Variants in CDK13 observed in about 807,000 individuals in gnomAD.
The protein encoded by CDK13 is cyclin dependent kinase 13, also known as cyclin-dependent kinase 13.
Under a neutral mutation model 137.6 loss-of-function variants are expected in CDK13, and 40 were observed. The ratio of observed to expected loss-of-function variants is 0.29; its 90% CI spans 0.23 to 0.38. The LOEUF (loss-of-function observed/expected upper bound fraction) is 0.38, where lower values mean the gene tolerates loss of function less well. CDK13 is among the 10% of genes least tolerant of loss of function. The pLI is 1.00. For missense variants in CDK13, 1,704 were observed against 1,951.8 expected (o/e 0.87, Z 2.39); for synonymous variants, 869 against 760.1 (o/e 1.14, Z -2.36).
intron 5 of CDK13, among the ~76,000 whole-genome samples, chr7:40,019,240 A>G (rs893614262): frequency 3.3e-5 from 5 of 152,324 alleles, no homozygotes; most frequent in Admixed American, 2.0e-4. Context: ...TGTGAAAACT[A>G]TTTAAGTCAT....
chr7:40,062,773 C>A, intron 7 of CDK13, 53 bp from the exon 8 acceptor site: 2 of 1,222,892 alleles, frequency 1.6e-6, no homozygotes, highest in Non-Finnish European at 2.4e-6. Context: ...CTCAGAGAAT[C>A]TGTCTTACTC....
At position 39,950,306 on chromosome 7, in the gene CDK13, C is replaced by G. The variant is rs1026401517; in HGVS notation, c.-336C>G. The stretch of plus-strand genomic sequence containing the variant: ...GAGAGCGCGGCCAAGGCCGCTCCCC[C>G]ACCCCCGGGGGCACTTGGAGGACTC... On this transcript the variant is annotated 5_prime_UTR_variant, in exon 1 of 14. Transcript: ENST00000181839. 3.2e-5 allele frequency: 35 copies of G among 1,104,382 alleles called. No homozygotes were observed. Among genetic ancestry groups the G allele is most frequent in the South Asian group, 1.8e-4 (4 of 22,640 alleles). The allele number at this position is 1,104,382 out of a possible 1,614,324, so 68.4% of individuals were successfully genotyped here. A position where few individuals can be genotyped will look rare whatever the true frequency, so the allele number is the denominator to read the frequency against.
At chr7:40,010,710 C>A (rs945105445) in intron 5 of CDK13, among the ~76,000 whole-genome samples, 1 of 152,096 alleles carries the variant, frequency 6.6e-6, no homozygotes, top group Admixed American at 6.6e-5. Context: ...GTTGGAACTT[C>A]GCTCACCTGC....
intron 11 of CDK13, among the ~76,000 whole-genome samples, chr7:40,087,544 GT>G: frequency 8.1e-6 from 1 of 123,090 alleles, no homozygotes. Flanking sequence ...AGCAATAGTG[GT>G]GTTTTTTTTT....
At chr7:40,030,229 ATATATGTGTGTGTGTGTG>A (rs1378253563) in intron 5 of CDK13, among the ~76,000 whole-genome samples, 2 of 40,188 alleles carry the variant, frequency 5.0e-5, no homozygotes, top group Non-Finnish European at 8.4e-5. Flanking sequence ...TTATATATAT[ATATATGTGTGTGTGTGTG>A]TATATGTGTG....
chr7:39,986,260 A>C (rs1784336141), intron 1 of CDK13: 1 of 152,212 alleles, frequency 6.6e-6, no homozygotes, highest in South Asian at 2.1e-4. Context: ...TTGTCTTGTG[A>C]GTATATTTTA....
At chr7:40,030,261 GTATATA>G (rs1247848274) in intron 5 of CDK13, among the ~76,000 whole-genome samples, 1 of 143,402 alleles carries the variant, frequency 7.0e-6, no homozygotes, top group Non-Finnish European at 1.5e-5. Flanking sequence ...ATGTGTGTGT[GTATATA>G]TATATATAGA....
intron 1 of CDK13, among the ~76,000 whole-genome samples, chr7:39,969,729 CATT>C (rs1306726018): frequency 6.6e-6 from 1 of 151,724 alleles, no homozygotes; most frequent in African/African-American, 2.4e-5. Context: ...ATTGGTATCT[CATT>C]GTGGTTTTAT....
intron 5 of CDK13, among the ~76,000 whole-genome samples, chr7:40,025,830 G>C (rs146290534): frequency 1.8e-3 from 275 of 152,244 alleles, no homozygotes; most frequent in African/African-American, 5.0e-3. Context: ...TGAACACTTA[G>C]AGAAGAAAAT....
rs928007131 is a variant in CDK13, at chr7:40,095,980, A to C, written c.*1000A>C. 1.3e-5 allele frequency: 2 copies of C among 152,196 alleles called. No homozygotes were observed. The highest frequency in any genetic ancestry group is 2.9e-5 in the Non-Finnish European group (2 of 68,034). 9.4% of individuals were successfully genotyped at this position (152,196 alleles called of 1,614,324 possible). A position where few individuals can be genotyped will look rare whatever the true frequency, so the allele number is the denominator to read the frequency against. ...AAAGTTTTGTCATTTAAATGGTTGA[A>C]AGTAATAGCTCCAGGAGAATTTTAG... On this transcript the variant is annotated 3_prime_UTR_variant, in exon 14 of 14. Coordinates refer to ENST00000181839, the MANE Select transcript of CDK13 (RefSeq NM_003718.5).
chr7:40,085,286 G>T (rs1321368444), intron 11 of CDK13, among the ~76,000 whole-genome samples: 8 of 151,980 alleles, frequency 5.3e-5, no homozygotes, highest in African/African-American at 1.9e-4. Context: ...GCTTGAACCT[G>T]GGAGGCGGAG....
At chr7:40,046,862 T>C (rs1225330178) in intron 6 of CDK13, among the ~76,000 whole-genome samples, 3 of 151,012 alleles carry the variant, frequency 2.0e-5, no homozygotes, top group African/African-American at 7.3e-5. Context: ...ATAAACCCGG[T>C]GTGGTGGCAC....
In CDK13 at chr7:40,045,847, C is replaced by T. The variant is rs1357554186; in HGVS notation, c.2365C>T (p.Leu789=). 6.2e-7 allele frequency: 1 copy of T among 1,603,364 alleles called. No individual in the cohort carries two copies. Among genetic ancestry groups the T allele is most frequent in the Non-Finnish European group, 8.5e-7 (1 of 1,173,878 alleles). ...ATTCTCATTCTTAGGTGCATTTTAT[C>T]TGGTGTTTGAATATATGGACCATGA... is the stretch of plus-strand genomic sequence containing the variant. ...DFKKDKGAFY[L]VFEYMDHDLM... The change falls in exon 6 of 14, where the codon CTG becomes TTG. Residue 789 remains leucine, a synonymous_variant. Transcript: ENST00000181839.
At chr7:40,056,864 T>G (rs561913042) in intron 7 of CDK13, among the ~76,000 whole-genome samples, 5 of 152,236 alleles carry the variant, frequency 3.3e-5, no homozygotes, top group African/African-American at 1.2e-4. Context: ...ATGAATGATT[T>G]GTTGGTTAGG....
intron 1 of CDK13, among the ~76,000 whole-genome samples, chr7:39,964,645 T>G (rs890772501): frequency 3.9e-5 from 6 of 152,104 alleles, no homozygotes; most frequent in African/African-American, 1.2e-4. Context: ...TGCTCTGATC[T>G]TAGTTATTTC....
chr7:39,981,990 C>A (rs10258217), intron 1 of CDK13, among the ~76,000 whole-genome samples: 5 of 149,704 alleles, frequency 3.3e-5, no homozygotes. Context: ...TGTATTTTTT[C>A]TTTTTTCTTC....
chr7:39,956,611 G>T (rs1787416188), intron 1 of CDK13, among the ~76,000 whole-genome samples: 1 of 151,944 alleles, frequency 6.6e-6, no homozygotes. Flanking sequence ...TAGGGATAGT[G>T]TCTAGGTCAC....
chr7:40,042,834 A>G (rs1783292819), intron 5 of CDK13, among the ~76,000 whole-genome samples: 1 of 150,544 alleles, frequency 6.6e-6, no homozygotes, highest in Non-Finnish European at 1.5e-5. Context: ...CCCAGGCTGG[A>G]ATGCAGTGGC....
intron 4 of CDK13, among the ~76,000 whole-genome samples, chr7:40,001,451 G>A (rs1203511372): frequency 3.9e-5 from 6 of 151,990 alleles, no homozygotes; most frequent in African/African-American, 1.4e-4. Context: ...TCCTGACCTC[G>A]TGATCTGCCC....
Sources: gnomAD v4.1 joint callset for allele counts (sites outside exome capture counted in the v4.1 genomes callset) on GRCh38, gnomAD v4.1.1 for gene constraint, MANE v1.5 for transcripts, NCBI Gene and HGNC (gene_info 2026-07-23, HGNC 2026-07-21) for gene names.